Variants in C3orf18 observed in about 807,000 individuals in gnomAD.
C3orf18 encodes the protein uncharacterized protein C3orf18.
In C3orf18, 12 loss-of-function variants were observed where a neutral mutation model predicts 14.1. The observed-to-expected ratio is 0.85, with a 90% CI of 0.55 to 1.38. The LOEUF is 1.38. Ranked by LOEUF, C3orf18 falls within the 40% of genes most tolerant of loss-of-function variation. The pLI, the probability that C3orf18 is intolerant of heterozygous loss-of-function variation, is 0.00. For missense variants in C3orf18, 196 were observed against 213.9 expected (o/e 0.92, Z 0.52); for synonymous variants, 82 against 87.9 (o/e 0.93, Z 0.38).
Position 50,558,289 on chromosome 3 carries a change from C to T in C3orf18, c.*1368G>A, listed in dbSNP as rs1244550616. ...CCCTCCAGCCAGCAGCGGACAGTGA[C>T]GGTGGAGAGGCTGGGCACGGGACAT... On this transcript the variant is annotated 3_prime_UTR_variant, in exon 6 of 6. Transcript: ENST00000357203. 7 of 170,038 alleles carry T rather than the reference C, an allele frequency of 4.1e-5. No individual in the cohort carries two copies. The East Asian group carries it at 6.9e-4, about 17-fold the overall frequency. 10.5% of individuals were successfully genotyped at this position (170,038 alleles called of 1,614,324 possible).
At chr3:50,570,336 A>G (rs967708191), upstream of C3orf18, 18 of 152,290 alleles carry the variant, frequency 1.2e-4, no homozygotes, top group African/African-American at 4.3e-4. Flanking sequence ...ACAATTGTAA[A>G]TTTTTTAGTT....
rs1699775443 is a variant in C3orf18 at position 50,558,314 on chromosome 3, T to C, written c.*1343A>G. 1 of 185,010 alleles carries C rather than the reference T, an allele frequency of 5.4e-6. No individual in the cohort carries two copies. Among genetic ancestry groups the C allele is most frequent in the Admixed American group, 5.4e-5 (1 of 18,440 alleles). 11.5% of individuals were successfully genotyped at this position (185,010 alleles called of 1,614,324 possible). A position where few individuals can be genotyped will look rare whatever the true frequency, so the allele number is the denominator to read the frequency against. On this transcript the variant is annotated 3_prime_UTR_variant, in exon 6 of 6. Transcript: ENST00000357203. ...CGGTGGAGAGGCTGGGCACGGGACA[T>C]GCCTCTGTGCATGCTTGTGTGCATA...
intron 1 of C3orf18, among the ~76,000 whole-genome samples, chr3:50,566,691 C>T (rs1700323162): frequency 6.6e-6 from 1 of 152,108 alleles, no homozygotes; most frequent in African/African-American, 2.4e-5. Flanking sequence ...TCTCCGCAGG[C>T]TCTCGGGGAC....
intron 5 of C3orf18, among the ~76,000 whole-genome samples, 182 bp from the exon 6 acceptor site, chr3:50,559,919 C>G (rs1290825004): frequency 6.6e-6 from 1 of 152,266 alleles, no homozygotes; most frequent in Non-Finnish European, 1.5e-5. Context: ...TGACTCCTCC[C>G]CAGCTTGCCC....
chr3:50,560,190 G>A (rs1356677557), intron 5 of C3orf18, among the ~76,000 whole-genome samples: 1 of 152,188 alleles, frequency 6.6e-6, no homozygotes, highest in Non-Finnish European at 1.5e-5. Flanking sequence ...AAACCAAAGG[G>A]TCTTCAGACT....
upstream of C3orf18, among the ~76,000 whole-genome samples, chr3:50,568,928 G>A (rs1421271125): frequency 2.0e-5 from 3 of 152,148 alleles, no homozygotes; most frequent in Non-Finnish European, 4.4e-5. Flanking sequence ...ATCGGTAAAA[G>A]AGCGGCCCCT....
intron 5 of C3orf18, 85 bp from the exon 6 acceptor site, chr3:50,559,822 G>T: frequency 1.2e-6 from 1 of 803,742 alleles, no homozygotes; most frequent in Non-Finnish European, 1.9e-6. Flanking sequence ...TCACTTCCTG[G>T]TGCCTGCTTA....
intron 4 of C3orf18, 106 bp from the exon 5 acceptor site, chr3:50,561,170 CT>C: frequency 8.0e-7 from 1 of 1,242,250 alleles, no homozygotes; most frequent in Non-Finnish European, 1.1e-6. Flanking sequence ...CACAACCATG[CT>C]TAGGGCCTTA....
upstream of C3orf18, among the ~76,000 whole-genome samples, chr3:50,572,772 G>A (rs1701152105): frequency 6.6e-6 from 1 of 152,252 alleles, no homozygotes; most frequent in Admixed American, 6.5e-5. Context: ...ACTAGGACTA[G>A]GGATGTGTGG....
intron 3 of C3orf18, among the ~76,000 whole-genome samples, chr3:50,562,912 TGAG>T (rs767019583): frequency 1.7e-4 from 26 of 152,282 alleles, no homozygotes; most frequent in Non-Finnish European, 2.9e-4. Flanking sequence ...TACAATGCCC[TGAG>T]GAGAGGGAGG....
At chr3:50,570,851 A>G (rs765273682), upstream of C3orf18, 8 of 403,512 alleles carry the variant, frequency 2.0e-5, no homozygotes, top group Non-Finnish European at 3.1e-5. Context: ...CAAGAGCACA[A>G]CTATTCTCAG....
chr3:50,571,350 CAA>C (rs1559452583), upstream of C3orf18: 1 of 1,539,478 alleles, frequency 6.5e-7, no homozygotes, highest in Non-Finnish European at 8.8e-7. Context: ...TTAGTGTTGT[CAA>C]GAGGACAGGA....
In C3orf18 at chr3:50,558,745, C is replaced by T. The variant is rs529136772; in HGVS notation, c.*912G>A. 2.5e-5 allele frequency: 32 copies of T among 1,289,780 alleles called. No homozygotes were observed. Among genetic ancestry groups the T allele is most frequent in the East Asian group, 1.1e-4 (2 of 18,010 alleles). 79.9% of individuals were successfully genotyped at this position (1,289,780 alleles called of 1,614,324 possible). A position where few individuals can be genotyped will look rare whatever the true frequency, so the allele number is the denominator to read the frequency against. On this transcript the variant is annotated 3_prime_UTR_variant, in exon 6 of 6. Transcript: ENST00000357203. Reference sequence around the variant, plus strand: ...CAGTGGAGAGAGGAACCGTGCTGTGCGTGCTTCCCTCTTCCCTGCAGTCCC... The same window carrying T: ...CAGTGGAGAGAGGAACCGTGCTGTGTGTGCTTCCCTCTTCCCTGCAGTCCC...
At chr3:50,566,729 A>G (rs1195729029) in intron 1 of C3orf18, among the ~76,000 whole-genome samples, 1 of 151,990 alleles carries the variant, frequency 6.6e-6, no homozygotes, top group African/African-American at 2.4e-5. Flanking sequence ...ACCCACCAAC[A>G]ATAGAGGGGC....
At chr3:50,571,753 C>T (rs750732901), upstream of C3orf18, 32 of 1,614,100 alleles carry the variant, frequency 2.0e-5, no homozygotes, top group Non-Finnish European at 2.5e-5. Flanking sequence ...CCCTTGACCT[C>T]TCAGCAACTA....
chr3:50,563,111 A>G (rs1341856748), intron 3 of C3orf18, among the ~76,000 whole-genome samples: 1 of 152,116 alleles, frequency 6.6e-6, no homozygotes, highest in Non-Finnish European at 1.5e-5. Context: ...CACAGCTTGA[A>G]TCTGGTTTGA....
chr3:50,571,263 G>A (rs1358445800), upstream of C3orf18: 1 of 1,613,416 alleles, frequency 6.2e-7, no homozygotes, highest in Non-Finnish European at 8.5e-7. Flanking sequence ...GGGTCTTTGA[G>A]AAGAGGGGTA....
At chr3:50,562,286 CAGTT>C (rs34664938) in intron 3 of C3orf18, 301,957 of 354,622 alleles carry the variant, frequency 0.85, 129,644 homozygotes, top group East Asian at 0.93. Flanking sequence ...GGAGCCCACA[CAGTT>C]AGGCCCGGCC....
chr3:50,572,252 A>C, upstream of C3orf18: 1 of 1,568,948 alleles, frequency 6.4e-7, no homozygotes, highest in Non-Finnish European at 8.7e-7. Context: ...ATGATGGTGG[A>C]GTTCAGGGCA....
Sources: gnomAD v4.1 joint callset for allele counts (sites outside exome capture counted in the v4.1 genomes callset) on GRCh38, gnomAD v4.1.1 for gene constraint, MANE v1.5 for transcripts, NCBI Gene and HGNC (gene_info 2026-07-23, HGNC 2026-07-21) for gene names.